Variants in KDM3A observed in about 807,000 individuals in gnomAD.
The protein encoded by KDM3A is lysine-specific demethylase 3A.
A neutral mutation model predicts 158.0 loss-of-function variants in KDM3A; 60 were observed. That is an observed-to-expected ratio of 0.38 (90% confidence interval 0.31 to 0.47). The LOEUF is 0.47. Ranked by LOEUF, KDM3A falls within the 20% of genes least tolerant of loss-of-function variation. KDM3A has a pLI of 0.99. For missense variants in KDM3A, 1,319 were observed against 1,574.3 expected, an observed-to-expected ratio of 0.84 and a Z score of 2.74; for synonymous variants, 608 against 549.3, an observed-to-expected ratio of 1.11 and a Z score of -1.49.
In KDM3A at chr2:86,492,121, C is replaced by G; in HGVS notation, c.*2C>G. On this transcript the variant is annotated 3_prime_UTR_variant, in exon 26 of 26. Transcript: ENST00000312912. ...GAATCCAGTTTTGGCAAACCTTAAT[C>G]TCCCTGCACATTGGAAATGAATTAC... 1 of 1,606,642 alleles carries G rather than the reference C, an allele frequency of 6.2e-7. No homozygotes were observed. Among genetic ancestry groups the G allele is most frequent in the South Asian group, 1.1e-5 (1 of 90,832 alleles).
chr2:86,481,522 G>A (rs537995761), intron 16 of KDM3A, among the ~76,000 whole-genome samples: 2 of 150,116 alleles, frequency 1.3e-5, no homozygotes, highest in Non-Finnish European at 1.5e-5. Context: ...AACAGTTTCT[G>A]TGTTCAAGAA....
chr2:86,474,701 T>TTGTGTGTGTGTGTGTGTGTGTGTGTGTG (rs369518183), intron 11 of KDM3A, 75 bp from the exon 12 acceptor site: 1 of 399,898 alleles, frequency 2.5e-6, no homozygotes, highest in African/African-American at 2.4e-5. Context: ...TGTAAATAAG[T>TTGTGTGTGTGTGTGTGTGTGTGTGTGTG]TGTGTGTGTG....
intron 4 of KDM3A, among the ~76,000 whole-genome samples, chr2:86,453,522 T>C (rs1050200761): frequency 1.3e-5 from 2 of 152,214 alleles, no homozygotes; most frequent in African/African-American, 2.4e-5. Context: ...TGGACAACTA[T>C]CTTGCACTTT....
At chr2:86,461,906 A>G (rs1039517699) in intron 8 of KDM3A, among the ~76,000 whole-genome samples, 3 of 152,046 alleles carry the variant, frequency 2.0e-5, no homozygotes, top group Admixed American at 2.0e-4. Flanking sequence ...AGATGGGGGG[A>G]GGAGGAGCAG....
At chr2:86,486,685 G>A (rs1202520228) in intron 21 of KDM3A, among the ~76,000 whole-genome samples, 1 of 152,248 alleles carries the variant, frequency 6.6e-6, no homozygotes, top group East Asian at 1.9e-4. Flanking sequence ...TCTCAAAAAG[G>A]ACAAGGTCTG....
chr2:86,438,364 A>G (rs1169438404), upstream of KDM3A, among the ~76,000 whole-genome samples: 1 of 152,106 alleles, frequency 6.6e-6, no homozygotes. Context: ...GATTGGGTAG[A>G]TGTTGGTCAA....
chr2:86,442,464 A>C, intron 2 of KDM3A: 1 of 462,312 alleles, frequency 2.2e-6, no homozygotes, highest in East Asian at 3.9e-5. Flanking sequence ...AGGGTTGTTC[A>C]GACACGCTTC....
upstream of KDM3A, chr2:86,441,278 C>T (rs1288946450): frequency 2.0e-5 from 3 of 152,036 alleles, no homozygotes; most frequent in Admixed American, 6.5e-5. Flanking sequence ...GGAGCCTCGC[C>T]CAGCTCCTGT....
chr2:86,481,246 T>A (rs532151895), intron 16 of KDM3A, among the ~76,000 whole-genome samples: 301 of 152,234 alleles, frequency 2.0e-3, no homozygotes, highest in African/African-American at 7.0e-3. Context: ...TTTTTAAAAA[T>A]TTGTTTTGAG....
rs907327872 is a variant in KDM3A, at chr2:86,483,487, A to G, written c.2923-500A>G. 4 of 152,632 alleles carry G rather than the reference A, an allele frequency of 2.6e-5. No individual in the cohort carries two copies. In the East Asian group the frequency reaches 7.7e-4, roughly 29 times the overall value. The allele number at this position is 152,632 out of a possible 1,614,324, so 9.5% of individuals were successfully genotyped here. On this transcript the variant is annotated intron_variant, in intron 18 of 25. Coordinates refer to ENST00000312912, the MANE Select transcript of KDM3A (RefSeq NM_018433.6). ...CAGGCTTTCTTTCTTGCTTGTCAAT[A>G]TTTTAATGTTAGACTATTTCACATA... is the stretch of plus-strand genomic sequence containing the variant.
chr2:86,455,870 C>G (rs1383701984), intron 5 of KDM3A, among the ~76,000 whole-genome samples: 1 of 148,468 alleles, frequency 6.7e-6, no homozygotes, highest in Non-Finnish European at 1.5e-5. Context: ...GCAGGAGGAT[C>G]ACTTGAACCC....
chr2:86,469,763 A>G (rs1324033515), intron 10 of KDM3A, among the ~76,000 whole-genome samples: 2 of 152,226 alleles, frequency 1.3e-5, no homozygotes, highest in African/African-American at 2.4e-5. Context: ...TTTGCATTGT[A>G]CTTTTAAAAA....
At chr2:86,471,486 T>C (rs1274902673) in intron 11 of KDM3A, among the ~76,000 whole-genome samples, 2 of 152,008 alleles carry the variant, frequency 1.3e-5, no homozygotes, top group African/African-American at 2.4e-5. Flanking sequence ...AAATGAACAG[T>C]GTTGGTATAG....
chr2:86,461,291 C>T (rs752764611), intron 8 of KDM3A, among the ~76,000 whole-genome samples: 5 of 152,190 alleles, frequency 3.3e-5, no homozygotes, highest in Admixed American at 6.5e-5. Flanking sequence ...TTTCTTCCCT[C>T]CTTCCCTCTG....
At chr2:86,490,693 C>T (rs1064101) in intron 23 of KDM3A, 188 bp from the exon 24 acceptor site, 1 of 521,822 alleles carries the variant, frequency 1.9e-6, no homozygotes, top group Non-Finnish European at 3.4e-6. Context: ...ATCACATTTT[C>T]TTCGTCATTC....
At chr2:86,455,782 T>C (rs1262898191) in intron 5 of KDM3A, among the ~76,000 whole-genome samples, 1 of 151,240 alleles carries the variant, frequency 6.6e-6, no homozygotes, top group Non-Finnish European at 1.5e-5. Context: ...GAGACGTCGA[T>C]CTCTACAAAA....
At chr2:86,483,352 C>G (rs930959928) in intron 18 of KDM3A, 1 of 152,260 alleles carries the variant, frequency 6.6e-6, no homozygotes, top group Non-Finnish European at 1.5e-5. Context: ...AGTGTTTAAC[C>G]AAAAATAAAT....
At chr2:86,480,584 A>G (rs1673878724) in intron 16 of KDM3A, among the ~76,000 whole-genome samples, 1 of 152,218 alleles carries the variant, frequency 6.6e-6, no homozygotes, top group Non-Finnish European at 1.5e-5. Flanking sequence ...GTGTTACAGA[A>G]GAGAAGAATT....
At chr2:86,489,808 G>A in intron 23 of KDM3A, 149 bp downstream of exon 23, 1 of 746,378 alleles carries the variant, frequency 1.3e-6, no homozygotes, top group Non-Finnish European at 2.1e-6. Context: ...GCTGAAGGTG[G>A]TTGCTAAGGA....
Sources: gnomAD v4.1 joint callset for allele counts (sites outside exome capture counted in the v4.1 genomes callset) on GRCh38, gnomAD v4.1.1 for gene constraint, MANE v1.5 for transcripts, NCBI Gene and HGNC (gene_info 2026-07-23, HGNC 2026-07-21) for gene names.